Variants in STXBP4 observed in about 807,000 individuals in gnomAD.
STXBP4 encodes the protein syntaxin binding protein 4, also known as syntaxin-binding protein 4.
In STXBP4, 55 loss-of-function variants were observed where a neutral mutation model predicts 76.1. The observed-to-expected ratio is 0.72, with a 90% CI of 0.58 to 0.91. The LOEUF (loss-of-function observed/expected upper bound fraction) is 0.91, where lower values mean the gene tolerates loss of function less well. Among genes scored for constraint, STXBP4 ranks in the 40% least tolerant of loss-of-function variants. The probability of loss-of-function intolerance (pLI) is 0.00; values close to 1 mark genes in which losing one functional copy is unlikely to be tolerated. For synonymous variants in STXBP4, 201 were observed against 220.2 expected (o/e 0.91, Z 0.77); for missense variants, 618 against 636.9 (o/e 0.97, Z 0.32).
At chr17:54,972,727 A>T (rs1852290087) in intron 1 of STXBP4, among the ~76,000 whole-genome samples, 1 of 152,122 alleles carries the variant, frequency 6.6e-6, no homozygotes, top group African/African-American at 2.4e-5. Flanking sequence ...TGAGCACTAG[A>T]AGTGTTCATT....
intron 4 of STXBP4, among the ~76,000 whole-genome samples, chr17:54,996,967 A>G (rs946622733): frequency 1.3e-5 from 2 of 152,226 alleles, no homozygotes; most frequent in African/African-American, 2.4e-5. Context: ...ATGAATGTCA[A>G]TGTGAAAGAA....
At chr17:55,036,718 G>T (rs117957714) in intron 10 of STXBP4, among the ~76,000 whole-genome samples, 1,688 of 151,966 alleles carry the variant, frequency 0.011, 11 homozygotes, top group Admixed American at 0.017. Context: ...ATTCAAGCAG[G>T]AGAATAGATA....
intron 8 of STXBP4, among the ~76,000 whole-genome samples, chr17:55,020,453 G>A (rs1414488200): frequency 6.6e-6 from 1 of 151,948 alleles, no homozygotes; most frequent in Non-Finnish European, 1.5e-5. Flanking sequence ...AAATCTGTTT[G>A]TTTGTTTGTT....
At chr17:55,053,108 A>G (rs1314469951) in intron 12 of STXBP4, among the ~76,000 whole-genome samples, 3 of 151,928 alleles carry the variant, frequency 2.0e-5, no homozygotes, top group Non-Finnish European at 4.4e-5. Flanking sequence ...GCTATAAAGG[A>G]TATTATTGGG....
chr17:54,993,005 G>C (rs971287814), intron 4 of STXBP4, among the ~76,000 whole-genome samples: 5 of 152,050 alleles, frequency 3.3e-5, no homozygotes, highest in Admixed American at 6.6e-5. Context: ...GAGCCACCAC[G>C]CCTGACCTAA....
chr17:55,088,865 C>T (rs549779199), intron 16 of STXBP4, among the ~76,000 whole-genome samples: 136 of 152,312 alleles, frequency 8.9e-4, no homozygotes, highest in Middle Eastern at 6.8e-3. Flanking sequence ...CTTTCCACAT[C>T]ATTGCATACA....
chr17:55,042,366 C>T (rs1032827640), intron 10 of STXBP4, among the ~76,000 whole-genome samples: 1 of 152,068 alleles, frequency 6.6e-6, no homozygotes, highest in African/African-American at 2.4e-5. Context: ...TTTAGCAATG[C>T]ATCTGCACAT....
chr17:55,207,222 C>A, the STXBP4 span, among the ~76,000 whole-genome samples: 1 of 152,282 alleles, frequency 6.6e-6, no homozygotes, highest in South Asian at 2.1e-4. Flanking sequence ...CCAGGATGTG[C>A]CATCCCGGGC....
chr17:55,024,880 G>A (rs1194549306), intron 8 of STXBP4, among the ~76,000 whole-genome samples: 2 of 152,184 alleles, frequency 1.3e-5, no homozygotes, highest in Admixed American at 6.5e-5. Context: ...GCTCACACCT[G>A]TAATCCCAGC....
intron 16 of STXBP4, among the ~76,000 whole-genome samples, chr17:55,137,272 G>GC (rs1567778240): frequency 8.4e-5 from 11 of 130,988 alleles, no homozygotes; most frequent in Middle Eastern, 3.5e-3. Context: ...ACACCTCCAT[G>GC]TTCCCTCCCT....
intron 8 of STXBP4, among the ~76,000 whole-genome samples, chr17:55,009,443 G>A (rs1598196831): frequency 6.6e-6 from 1 of 152,112 alleles, no homozygotes; most frequent in Admixed American, 6.5e-5. Context: ...TTACCTGACA[G>A]ACTTTGTTAT....
intron 4 of STXBP4, among the ~76,000 whole-genome samples, chr17:54,995,891 A>T (rs1425916371): frequency 1.3e-5 from 2 of 152,044 alleles, no homozygotes; most frequent in East Asian, 3.9e-4. Flanking sequence ...TTGTGGACTT[A>T]CTGTGTACCT....
At chr17:55,178,047 C>T (rs947798717), downstream of STXBP4, among the ~76,000 whole-genome samples, 2 of 152,058 alleles carry the variant, frequency 1.3e-5, no homozygotes, top group Admixed American at 6.6e-5. Context: ...ACATTTTTCC[C>T]GAGGATAACA....
chr17:55,098,654 T>G (rs936824835), intron 16 of STXBP4, among the ~76,000 whole-genome samples: 1 of 152,162 alleles, frequency 6.6e-6, no homozygotes, highest in African/African-American at 2.4e-5. Flanking sequence ...TAGTTTGGAT[T>G]GAGAGGTCCA....
the STXBP4 span, among the ~76,000 whole-genome samples, chr17:55,209,623 T>C: frequency 6.6e-6 from 1 of 152,224 alleles, no homozygotes; most frequent in South Asian, 2.1e-4. Context: ...ATGGCCATTG[T>C]CTTTAAAGTA....
At chr17:55,045,151 C>A (rs917420868) in intron 11 of STXBP4, among the ~76,000 whole-genome samples, 4 of 151,894 alleles carry the variant, frequency 2.6e-5, no homozygotes, top group Non-Finnish European at 5.9e-5. Flanking sequence ...TACCATATTC[C>A]CTTTGAAAAG....
At chr17:55,035,552 G>T (rs1469246782) in intron 10 of STXBP4, among the ~76,000 whole-genome samples, 1 of 151,686 alleles carries the variant, frequency 6.6e-6, no homozygotes, top group Non-Finnish European at 1.5e-5. Context: ...GAATTAAAAT[G>T]ATTTGTTTTA....
At chr17:55,066,913 T>G (rs975994211) in intron 12 of STXBP4, among the ~76,000 whole-genome samples, 1 of 152,184 alleles carries the variant, frequency 6.6e-6, no homozygotes, top group African/African-American at 2.4e-5. Flanking sequence ...ATTTGCCTAT[T>G]ATTATATGGT....
chr17:55,149,557 C>T (rs2145171633), intron 17 of STXBP4, among the ~76,000 whole-genome samples: 1 of 152,282 alleles, frequency 6.6e-6, no homozygotes, highest in South Asian at 2.1e-4. Context: ...ATAATGAGTG[C>T]TTAACAGCTG....
Sources: gnomAD v4.1 joint callset for allele counts (sites outside exome capture counted in the v4.1 genomes callset) on GRCh38, gnomAD v4.1.1 for gene constraint, MANE v1.5 for transcripts, NCBI Gene and HGNC (gene_info 2026-07-23, HGNC 2026-07-21) for gene names.